The following AKAP13 variants were observed in gnomAD, a reference collection of about 807,000 sequenced individuals.
The protein encoded by AKAP13 is A-kinase anchor protein 13.
Under a neutral mutation model 264.5 loss-of-function variants are expected in AKAP13, and 80 were observed. The observed-to-expected ratio is 0.30, with a 90% CI of 0.25 to 0.36. The LOEUF is 0.36. Among genes scored for constraint, AKAP13 ranks in the 10% least tolerant of loss-of-function variants. AKAP13 has a pLI of 1.00. For synonymous variants in AKAP13, 1,380 were observed against 1,250.2 expected (o/e 1.10, Z -2.19); for missense variants, 3,712 against 3,435.2 (o/e 1.08, Z -2.01).
chr15:85,383,849 A>G (rs2070416525), intron 1 of AKAP13, among the ~76,000 whole-genome samples: 1 of 152,200 alleles, frequency 6.6e-6, no homozygotes, highest in South Asian at 2.1e-4. Context: ...TTGTGTCTGT[A>G]TTTCTCAAAC....
At chr15:85,403,392 T>A (rs540224617) in intron 1 of AKAP13, among the ~76,000 whole-genome samples, 2 of 152,312 alleles carry the variant, frequency 1.3e-5, no homozygotes, top group African/African-American at 4.8e-5. Context: ...TGTAAAAATA[T>A]CAAAACGTGG....
intron 3 of AKAP13, among the ~76,000 whole-genome samples, chr15:85,525,858 CTG>C (rs1156873655): frequency 2.6e-5 from 4 of 152,054 alleles, no homozygotes; most frequent in Non-Finnish European, 5.9e-5. Context: ...ATTAATGAAA[CTG>C]TGAATTTAGA....
chr15:85,461,977 A>T (rs185167234), intron 1 of AKAP13, among the ~76,000 whole-genome samples: 2 of 152,172 alleles, frequency 1.3e-5, no homozygotes, highest in Non-Finnish European at 2.9e-5. Context: ...TTCCAGTGTA[A>T]ATCTTATATG....
At chr15:85,415,064 G>A (rs1252186829) in intron 1 of AKAP13, among the ~76,000 whole-genome samples, 1 of 152,104 alleles carries the variant, frequency 6.6e-6, no homozygotes, top group African/African-American at 2.4e-5. Context: ...CTCAGGTTTG[G>A]GGTGGTAGTG....
rs879453156 is a variant in AKAP13 at position 85,580,467 on chromosome 15, A to T, written c.2399A>T (p.Asp800Val). The T allele has an allele frequency of 6.2e-7, 1 of 1,614,210 alleles. No homozygotes were observed. The highest frequency in any genetic ancestry group is 1.1e-5 in the South Asian group (1 of 91,082). ...GGCAGTGAATCAGTAACCAAGGATG[A>T]CGCACTTTCTTTTGTCCCCTCCCAG... ...SPGSESVTKD[D>V]ALSFVPSQKE... Residue 800 changes from aspartate (D) to valine (V), a missense_variant, in exon 7 of 37, where the codon GAC becomes GTC. Coordinates refer to ENST00000394518, the MANE Select transcript of AKAP13 (RefSeq NM_007200.5).
In AKAP13 at chr15:85,718,001, A is replaced by G; in HGVS notation, c.5849-6A>G. 4 of 1,612,586 alleles carry G rather than the reference A, an allele frequency of 2.5e-6. No individual in the cohort carries two copies. The highest frequency in any genetic ancestry group is 3.4e-6 in the Non-Finnish European group (4 of 1,179,164). On this transcript the variant is annotated splice_polypyrimidine_tract_variant and splice_region_variant and intron_variant, in intron 21 of 36. Coordinates refer to ENST00000394518, the MANE Select transcript of AKAP13 (RefSeq NM_007200.5). This position sits in a 1 kb window ranked among gnomAD's most constrained non-coding sequence, Gnocchi z 4.9. ...GATTCTGATATTGATTTTTTGATATATTGAGGAGTAGGTACAGACATGAAT... is the reference window on the plus strand; with the variant it reads ...GATTCTGATATTGATTTTTTGATATGTTGAGGAGTAGGTACAGACATGAAT...
intron 1 of AKAP13, among the ~76,000 whole-genome samples, chr15:85,466,928 T>C (rs1002637901): frequency 6.6e-6 from 1 of 152,322 alleles, no homozygotes; most frequent in Admixed American, 6.5e-5. Flanking sequence ...CTTCACTTTG[T>C]TCCCAACCTT....
chr15:85,417,863 C>T (rs559111174), intron 1 of AKAP13, among the ~76,000 whole-genome samples: 1 of 152,020 alleles, frequency 6.6e-6, no homozygotes, highest in Non-Finnish European at 1.5e-5. Flanking sequence ...TTGTCTGGCT[C>T]CAGTCCAGTA....
intron 30 of AKAP13, among the ~76,000 whole-genome samples, chr15:85,732,022 G>A (rs957791013): frequency 6.8e-6 from 1 of 147,474 alleles, no homozygotes; most frequent in Non-Finnish European, 1.5e-5. Flanking sequence ...AGCAGAGGTT[G>A]TAGTGAGCTG....
chr15:85,686,190 C>CGTGTGTGT (rs372002113), intron 16 of AKAP13, among the ~76,000 whole-genome samples: 4 of 63,630 alleles, frequency 6.3e-5, no homozygotes, highest in Non-Finnish European at 1.0e-4. Flanking sequence ...CACGTGCATG[C>CGTGTGTGT]ATGTGTGTGT....
chr15:85,393,322 CAA>C (rs1432020146), intron 1 of AKAP13, among the ~76,000 whole-genome samples: 1 of 152,152 alleles, frequency 6.6e-6, no homozygotes. Context: ...AATACGGTAA[CAA>C]GAGTTGGGAA....
At position 85,579,673 on chromosome 15, in the gene AKAP13, C is replaced by T; in HGVS notation, c.1605C>T (p.Asn535=). Residue 535 remains asparagine, a synonymous_variant, in exon 7 of 37, where the codon AAC becomes AAT. Coordinates refer to ENST00000394518, the MANE Select transcript of AKAP13 (RefSeq NM_007200.5). ...CTGTGGATAAAATCAGTGTTCCAAA[C>T]TGTGCCCCTGCTGCCAGTTCCCTGG... ...SKPVDKISVP[N]CAPAASSLDG... is the part of the protein sequence containing the mutation. The T allele has an allele frequency of 1.9e-6, 3 of 1,614,210 alleles. No individual in the cohort carries two copies. The highest frequency in any genetic ancestry group is 2.5e-6 in the Non-Finnish European group (3 of 1,180,030).
At chr15:85,541,270 C>G (rs1331148899) in intron 4 of AKAP13, among the ~76,000 whole-genome samples, 1 of 152,090 alleles carries the variant, frequency 6.6e-6, no homozygotes, top group African/African-American at 2.4e-5. Flanking sequence ...CTGATATCTT[C>G]AAGTTATTTT....
chr15:85,612,825 C>CAA (rs1221143046), intron 8 of AKAP13, among the ~76,000 whole-genome samples: 8 of 41,342 alleles, frequency 1.9e-4, no homozygotes, highest in Middle Eastern at 0.02. Flanking sequence ...CCCTGTCTCA[C>CAA]AAAAAAAAAA....
At chr15:85,386,849 C>A (rs2070589941) in intron 1 of AKAP13, among the ~76,000 whole-genome samples, 1 of 151,114 alleles carries the variant, frequency 6.6e-6, no homozygotes, top group South Asian at 2.1e-4. Context: ...TCTTTCATTT[C>A]TCTATCACCT....
At chr15:85,631,964 C>A (rs185441777) in intron 8 of AKAP13, among the ~76,000 whole-genome samples, 33 of 152,058 alleles carry the variant, frequency 2.2e-4, no homozygotes, top group Non-Finnish European at 4.1e-4. Context: ...TCAGACATAT[C>A]CACCCAATTG....
chr15:85,628,877 T>C (rs879469049), intron 8 of AKAP13, among the ~76,000 whole-genome samples: 4 of 152,194 alleles, frequency 2.6e-5, no homozygotes, highest in Non-Finnish European at 5.9e-5. Flanking sequence ...TAAACAATTA[T>C]TATTGAATTC....
intron 8 of AKAP13, among the ~76,000 whole-genome samples, chr15:85,634,222 T>TCAAA (rs56379206): frequency 0.43 from 65,526 of 151,770 alleles, 15,394 homozygotes; most frequent in African/African-American, 0.62. Flanking sequence ...CATTTTATTG[T>TCAAA]CAGTTATAAT....
intron 8 of AKAP13, among the ~76,000 whole-genome samples, chr15:85,586,320 A>G (rs144246005): frequency 3.5e-4 from 53 of 151,782 alleles, no homozygotes; most frequent in African/African-American, 1.1e-3. Context: ...CCTCCTGCCT[A>G]ATTTCAGCTG....
Sources: allele counts gnomAD v4.1 joint callset (sites outside exome capture counted in the v4.1 genomes callset), GRCh38; gene constraint gnomAD v4.1.1; non-coding constraint Gnocchi (gnomAD v3.1); transcripts MANE v1.5; gene names NCBI Gene and HGNC (gene_info 2026-07-23, HGNC 2026-07-21).